Variants in TUT4 observed in about 807,000 individuals in gnomAD.
TUT4 encodes terminal uridylyltransferase 4.
A neutral mutation model predicts 192.2 loss-of-function variants in TUT4; 36 were observed. The observed-to-expected ratio is 0.19, with a 90% CI of 0.14 to 0.25. The LOEUF (loss-of-function observed/expected upper bound fraction) is 0.25, where lower values mean the gene tolerates loss of function less well. Ranked by LOEUF, TUT4 falls within the 10% of genes least tolerant of loss-of-function variation. The probability of loss-of-function intolerance (pLI) is 1.00; values close to 1 mark genes in which losing one functional copy is unlikely to be tolerated. For synonymous variants in TUT4, 618 were observed against 666.0 expected, an observed-to-expected ratio of 0.93 and a Z score of 1.11; for missense variants, 1,493 against 1,957.2, an observed-to-expected ratio of 0.76 and a Z score of 4.47.
intron 24 of TUT4, among the ~76,000 whole-genome samples, chr1:52,445,057 G>GTA (rs1255014290): frequency 4.6e-5 from 7 of 150,918 alleles, no homozygotes; most frequent in Admixed American, 6.6e-5. Context: ...GTGTGTCTGT[G>GTA]TATATATATA....
At chr1:52,441,376 C>T (rs1489379566) in intron 24 of TUT4, among the ~76,000 whole-genome samples, 4 of 150,536 alleles carry the variant, frequency 2.7e-5, no homozygotes, top group East Asian at 3.9e-4. Context: ...CTCCGCCTCC[C>T]GGGTTCAAGC....
intron 1 of TUT4, among the ~76,000 whole-genome samples, chr1:52,545,044 G>A (rs1253510175): frequency 3.6e-5 from 5 of 137,206 alleles, no homozygotes; most frequent in Non-Finnish European, 7.6e-5. Context: ...GGGACAGAGT[G>A]AGACCTTGTC....
intron 1 of TUT4, among the ~76,000 whole-genome samples, chr1:52,539,621 T>C (rs2149635351): frequency 6.6e-6 from 1 of 152,240 alleles, no homozygotes; most frequent in Non-Finnish European, 1.5e-5. Context: ...CAGGGCGCGG[T>C]GGCTCATGCC....
intron 1 of TUT4, among the ~76,000 whole-genome samples, chr1:52,551,681 C>CGG (rs1689473554): frequency 6.7e-6 from 1 of 148,462 alleles, no homozygotes; most frequent in African/African-American, 2.6e-5. Flanking sequence ...AGCGCGCTCG[C>CGG]GCGCGCACAC....
Position 52,474,962 on chromosome 1 carries a change from C to T in TUT4, c.2597G>A (p.Cys866Tyr), listed in dbSNP as rs780714993. The change falls in exon 13 of 30, where the codon TGC becomes TAC. Residue 866 changes from cysteine (C) to tyrosine (Y), a missense_variant. Cys to Tyr is a radical substitution (Grantham distance 194). Coordinates refer to ENST00000257177, the MANE Select transcript of TUT4 (RefSeq NM_001009881.3). ...LETESSHQSV[C>Y]TDTSATSCNC... ...GCAAGAGGTAGCAGATGTGTCGGTG[C>T]ACACACTCTGATGTGAACTCTCTGT... The T allele has an allele frequency of 2.5e-6, 4 of 1,614,190 alleles. No individual in the cohort carries two copies. The highest frequency in any genetic ancestry group is 3.4e-6 in the Non-Finnish European group (4 of 1,180,032).
At chr1:52,456,411 CAAAAAAAAAAA>C (rs1157223640) in intron 20 of TUT4, among the ~76,000 whole-genome samples, 5 of 11,996 alleles carry the variant, frequency 4.2e-4, no homozygotes, top group African/African-American at 6.4e-4. Flanking sequence ...GACTGTGTCT[CAAAAAAAAAAA>C]AAAAAAAAAA....
rs527855702 is a variant in TUT4 at position 52,536,619 on chromosome 1, G to A, written c.-93-10246C>T. ...TGTAATCCCAGCACTTTGGGAGGCCGAGGTAGGTGGATTACCTGAGATCAG... is the reference window on the plus strand; with the variant it reads ...TGTAATCCCAGCACTTTGGGAGGCCAAGGTAGGTGGATTACCTGAGATCAG... On this transcript the variant is annotated intron_variant, in intron 1 of 29. Transcript: ENST00000257177. Among the ~76,000 whole-genome samples, 463 of 148,496 alleles carry A rather than the reference G, an allele frequency of 3.1e-3. 2 individuals are homozygous for A. Among genetic ancestry groups the A allele is most frequent in the African/African-American group, 0.011 (429 of 40,284 alleles).
At position 52,515,933 on chromosome 1, in the gene TUT4, T is replaced by G. The variant is rs761357825; in HGVS notation, c.840A>C (p.Ala280=). ...TGTGATCTCTTTCTAAGCGTTCTTC[T>G]GCTTGTTTCAACCCCAGCCTCTGCT... ...TPEQRLGLKQ[A]EERLERDHIF... The change falls in exon 3 of 30, where the codon GCA becomes GCC. Residue 280 remains alanine (A), a synonymous_variant. Transcript: ENST00000257177. 6.2e-7 allele frequency: 1 copy of G among 1,613,672 alleles called. No individual in the cohort carries two copies. The highest frequency in any genetic ancestry group is 1.7e-5 in the Admixed American group (1 of 59,962).
chr1:52,491,429 C>T (rs1436268232), intron 7 of TUT4, among the ~76,000 whole-genome samples: 1 of 152,198 alleles, frequency 6.6e-6, no homozygotes, highest in East Asian at 1.9e-4. Context: ...GTGGCTCACA[C>T]CTGTAATCCC....
intron 14 of TUT4, among the ~76,000 whole-genome samples, chr1:52,470,776 A>C (rs893348402): frequency 6.6e-6 from 1 of 152,142 alleles, no homozygotes; most frequent in Admixed American, 6.6e-5. Flanking sequence ...AGCGATTACA[A>C]TGAAGCACTA....
chr1:52,442,988 TAC>T (rs1416060478), intron 24 of TUT4, among the ~76,000 whole-genome samples: 14 of 152,186 alleles, frequency 9.2e-5, no homozygotes, highest in African/African-American at 3.4e-4. Context: ...TTTAGCATTC[TAC>T]TAAAAAGTCT....
At chr1:52,454,513 T>A (rs895619858) in intron 20 of TUT4, among the ~76,000 whole-genome samples, 2 of 152,128 alleles carry the variant, frequency 1.3e-5, no homozygotes, top group African/African-American at 4.8e-5. Flanking sequence ...TTGAAACAAA[T>A]GAACATCCAC....
intron 11 of TUT4, 143 bp downstream of exon 11, chr1:52,481,280 C>CAACCCCT: frequency 1.2e-6 from 1 of 808,352 alleles, no homozygotes; most frequent in Non-Finnish European, 1.9e-6. Context: ...TAAACCAGAT[C>CAACCCCT]AACCCCTCAC....
chr1:52,499,927 T>C (rs1362895327), intron 4 of TUT4, among the ~76,000 whole-genome samples: 1 of 148,630 alleles, frequency 6.7e-6, no homozygotes, highest in Non-Finnish European at 1.5e-5. Flanking sequence ...AAAATATATA[T>C]ACATATATAT....
In TUT4 at chr1:52,425,372, G is replaced by C. The variant is rs1385378909; in HGVS notation, c.4847C>G (p.Pro1616Arg). ...FMHQGNARFQ[P>R]NKPFYTQDRC... Reference sequence around the variant, plus strand: ...ACCTTGAGTATAGAAAGGTTTGTTGGGCTGGAATCGGGCATTTCCCTGATG... The same window carrying C: ...ACCTTGAGTATAGAAAGGTTTGTTGCGCTGGAATCGGGCATTTCCCTGATG... The change falls in exon 29 of 30, where the codon CCC becomes CGC. Residue 1616 changes from proline (P) to arginine (R), a missense_variant. Pro to Arg is a moderately radical substitution (Grantham distance 103). Around this residue, in one of 7 missense-constraint regions of TUT4, gnomAD observed 351 missense variants for 397.8 expected, o/e 0.88. Coordinates refer to ENST00000257177, the MANE Select transcript of TUT4 (RefSeq NM_001009881.3). 9.9e-6 allele frequency: 16 copies of C among 1,613,552 alleles called. No individual in the cohort carries two copies. Among genetic ancestry groups the C allele is most frequent in the African/African-American group, 1.3e-5 (1 of 74,870 alleles).
chr1:52,464,961 T>C lies in TUT4; in HGVS notation c.3069+109A>G. On this transcript the variant is annotated intron_variant, in intron 16 of 29. Coordinates refer to ENST00000257177, the MANE Select transcript of TUT4 (RefSeq NM_001009881.3). ...TTCAAACACTTATTTTGCTAATATA[T>C]TTATACAAAGAGTGATACCACATTT... 5 of 784,862 alleles carry C rather than the reference T, an allele frequency of 6.4e-6. No homozygotes were observed. The East Asian group carries it at 9.1e-5, about 14-fold the overall frequency. The allele number at this position is 784,862 out of a possible 1,614,324, so 48.6% of individuals were successfully genotyped here.
At chr1:52,438,624 TGGG>T (rs1654520701) in intron 24 of TUT4, among the ~76,000 whole-genome samples, 2 of 152,152 alleles carry the variant, frequency 1.3e-5, no homozygotes, top group South Asian at 4.1e-4. Context: ...ACTTTACAGA[TGGG>T]GAAACTGATT....
At chr1:52,430,503 G>A (rs961612998) in intron 28 of TUT4, among the ~76,000 whole-genome samples, 11 of 151,900 alleles carry the variant, frequency 7.2e-5, no homozygotes, top group African/African-American at 1.9e-4. Context: ...GGCTGGTCTC[G>A]AACTCCTGAC....
In TUT4 at chr1:52,516,078, G is replaced by A. The variant is rs1052519456; in HGVS notation, c.719-24C>T. On this transcript the variant is annotated intron_variant, in intron 2 of 29. Transcript: ENST00000257177. The stretch of plus-strand genomic sequence containing the variant: ...ACCTAGAAAAGAAAGCAATCACTCA[G>A]TTATCATCAGAACTGGTAAATTTTT... 4.4e-6 allele frequency: 7 copies of A among 1,597,352 alleles called. No homozygotes were observed. The African/African-American group carries it at 8.1e-5, about 18-fold the overall frequency.
Sources: gnomAD v4.1 joint callset for allele counts (sites outside exome capture counted in the v4.1 genomes callset) on GRCh38, gnomAD v4.1.1 for gene constraint, gnomAD v4.1.1 regional missense constraint, MANE v1.5 for transcripts, NCBI Gene and HGNC (gene_info 2026-07-23, HGNC 2026-07-21) for gene names.